Variants in ACVRL1 observed in about 807,000 individuals in gnomAD.
ACVRL1 encodes activin receptor type-1-like.
In ACVRL1, 20 loss-of-function variants were observed where a neutral mutation model predicts 51.9. The ratio of observed to expected loss-of-function variants is 0.39; its 90% CI spans 0.27 to 0.56. ACVRL1 has a LOEUF of 0.56. ACVRL1 is among the 20% of genes least tolerant of loss of function. The pLI, the probability that ACVRL1 is intolerant of heterozygous loss-of-function variation, is 0.67. For missense variants in ACVRL1, 451 were observed against 670.3 expected (o/e 0.67, Z 3.61); for synonymous variants, 288 against 280.9 (o/e 1.03, Z -0.25).
Position 51,907,723 on chromosome 12 carries a change from G to A in ACVRL1, c.-6+28G>A, listed in dbSNP as rs901661264. On this transcript the variant is annotated intron_variant, in intron 1 of 9. Coordinates refer to ENST00000388922, the MANE Select transcript of ACVRL1 (RefSeq NM_000020.3). The surrounding 1 kb of genome is among the most constrained non-coding windows in gnomAD (Gnocchi z 4.5). ...GAGTCGAGGTCCGCGGACGGGACCG[G>A]GTGGCGGGCGGCCTGACCCCCGCTT... 2.0e-5 allele frequency: 3 copies of A among 152,204 alleles called. No homozygotes were observed. The highest frequency in any genetic ancestry group is 7.2e-5 in the African/African-American group (3 of 41,454). 9.4% of individuals were successfully genotyped at this position (152,204 alleles called of 1,614,324 possible). A position where few individuals can be genotyped will look rare whatever the true frequency, so the allele number is the denominator to read the frequency against.
chr12:51,918,636 T>G (rs527548223), intron 8 of ACVRL1, among the ~76,000 whole-genome samples: 2 of 152,302 alleles, frequency 1.3e-5, no homozygotes, highest in Admixed American at 1.3e-4. Flanking sequence ...GCCTCTGCCA[T>G]TACTAGCTGT....
rs28936401 is a variant in ACVRL1, at chr12:51,916,107, C to G, written c.1120C>G (p.Arg374Gly). Residue 374 changes from arginine (R) to glycine (G), a missense_variant, in exon 8 of 10, where the codon CGG becomes GGG. Coordinates refer to ENST00000388922, the MANE Select transcript of ACVRL1 (RefSeq NM_000020.3). ...CAACAACCCGAGAGTGGGCACCAAG[C>G]GGTACATGGCACCCGAGGTGCTGGA... ...IGNNPRVGTK[R>G]YMAPEVLDEQ... The G allele has an allele frequency of 6.2e-7, 1 of 1,613,522 alleles. No individual in the cohort carries two copies. Among genetic ancestry groups the G allele is most frequent in the Non-Finnish European group, 8.5e-7 (1 of 1,179,530 alleles).
At chr12:51,919,690 A>T (rs912170504) in intron 9 of ACVRL1, among the ~76,000 whole-genome samples, 5 of 152,074 alleles carry the variant, frequency 3.3e-5, no homozygotes, top group African/African-American at 9.7e-5. Flanking sequence ...TCCACACCTG[A>T]CCACTGTGGT....
Position 51,921,028 on chromosome 12 carries a change from C to G in ACVRL1, c.*135C>G. The G allele has an allele frequency of 9.2e-7, 1 of 1,084,302 alleles. No homozygotes were observed. Among genetic ancestry groups the G allele is most frequent in the Middle Eastern group, 2.9e-4 (1 of 3,458 alleles). 67.2% of individuals were successfully genotyped at this position (1,084,302 alleles called of 1,614,324 possible). A position where few individuals can be genotyped will look rare whatever the true frequency, so the allele number is the denominator to read the frequency against. On this transcript the variant is annotated 3_prime_UTR_variant, in exon 10 of 10. Coordinates refer to ENST00000388922, the MANE Select transcript of ACVRL1 (RefSeq NM_000020.3). ...GGGCAGCTGCGCCTGCCTGCTCGGC[C>G]CCCAGCCCACCCAGCCAAAAATACA...
intron 1 of ACVRL1, among the ~76,000 whole-genome samples, chr12:51,908,073 A>G (rs1250321844): frequency 1.3e-5 from 2 of 152,180 alleles, no homozygotes; most frequent in Non-Finnish European, 2.9e-5. Context: ...GTGAATGCCT[A>G]CTTCCACAGC....
intron 8 of ACVRL1, 112 bp from the exon 9 acceptor site, chr12:51,918,873 C>T (rs1360096357): frequency 4.0e-6 from 6 of 1,498,162 alleles, no homozygotes; most frequent in Non-Finnish European, 5.6e-6. Flanking sequence ...GGTAGCGTGT[C>T]CAGGCCACTG....
At chr12:51,907,193 A>G (rs1940610596), upstream of ACVRL1, among the ~76,000 whole-genome samples, 1 of 151,122 alleles carries the variant, frequency 6.6e-6, no homozygotes, top group Non-Finnish European at 1.5e-5. This position sits in a 1 kb window ranked among gnomAD's most constrained non-coding sequence, Gnocchi z 4.5. Flanking sequence ...ACCCCACGGG[A>G]CCCCTATGGG....
Position 51,915,289 on chromosome 12 carries a change from C to T in ACVRL1, c.837C>T (p.Tyr279=). Residue 279 remains tyrosine, a synonymous_variant, in exon 7 of 10, where the codon TAC becomes TAT. Transcript: ENST00000388922. ...SSTQLWLITH[Y]HEHGSLYDFL... ...CGCAGCTGTGGCTCATCACGCACTA[C>T]CACGAGCACGGCTCCCTCTACGACT... 6.2e-7 allele frequency: 1 copy of T among 1,614,212 alleles called. No individual in the cohort carries two copies. Among genetic ancestry groups the T allele is most frequent in the South Asian group, 1.1e-5 (1 of 91,086 alleles).
chr12:51,919,278 C>A, intron 9 of ACVRL1, 163 bp downstream of exon 9: 1 of 1,079,564 alleles, frequency 9.3e-7, no homozygotes, highest in Non-Finnish European at 1.4e-6. Flanking sequence ...CTGGCCCATG[C>A]TCCCTGCCCC....
At chr12:51,912,283 T>C in intron 1 of ACVRL1, 187 bp from the exon 2 acceptor site, 3 of 679,924 alleles carry the variant, frequency 4.4e-6, no homozygotes, top group Non-Finnish European at 5.3e-6. Flanking sequence ...ATGGTTTCCA[T>C]GGGGAAGTGA....
At chr12:51,915,778 T>C in intron 7 of ACVRL1, 1 of 640,346 alleles carries the variant, frequency 1.6e-6, no homozygotes. Flanking sequence ...CCAGGTCTGC[T>C]CTGTGAAGTG....
At position 51,913,336 on chromosome 12, in the gene ACVRL1, C is replaced by G; in HGVS notation, c.299C>G (p.Ser100Cys). 1 of 1,612,380 alleles carries G rather than the reference C, an allele frequency of 6.2e-7. No individual in the cohort carries two copies. Among genetic ancestry groups the G allele is most frequent in the Non-Finnish European group, 8.5e-7 (1 of 1,179,618 alleles). Residue 100 changes from serine to cysteine, a missense_variant, in exon 3 of 10, where the codon TCC becomes TGC. Physicochemically the swap from Ser to Cys is moderately radical, Grantham distance 112. Transcript: ENST00000388922. ...AGCCACCTCTGCAACCACAACGTGT[C>G]CCTGGTGCTGGAGGGTACGTCCAGC... ...CDSHLCNHNVSLVLEATQPPS... is the reference protein window; with the variant it reads ...CDSHLCNHNVCLVLEATQPPS...
intron 1 of ACVRL1, among the ~76,000 whole-genome samples, chr12:51,910,755 G>A (rs1434179960): frequency 2.0e-5 from 3 of 152,142 alleles, no homozygotes; most frequent in South Asian, 2.1e-4. Flanking sequence ...CAGTCCTGCC[G>A]CACAGTGCTA....
chr12:51,915,781 G>C, intron 7 of ACVRL1: 4 of 638,238 alleles, frequency 6.3e-6, no homozygotes, highest in Non-Finnish European at 1.1e-5. Context: ...GGTCTGCTCT[G>C]TGAAGTGGGC....
chr12:51,909,623 G>A (rs1367898854), intron 1 of ACVRL1, among the ~76,000 whole-genome samples: 2 of 151,426 alleles, frequency 1.3e-5, no homozygotes, highest in Non-Finnish European at 2.9e-5. Context: ...CTTCCTTTGA[G>A]GGACTCATCT....
chr12:51,915,524 C>A, intron 7 of ACVRL1, 24 bp downstream of exon 7: 1 of 1,596,780 alleles, frequency 6.3e-7, no homozygotes, highest in South Asian at 1.1e-5. Flanking sequence ...GGCAGGGGCG[C>A]GCCCTTCACA....
chr12:51,921,239 G>A lies in ACVRL1; in HGVS notation c.*346G>A, dbSNP rs887853545. 3.0e-5 allele frequency: 11 copies of A among 367,156 alleles called. No individual in the cohort carries two copies. The highest frequency in any genetic ancestry group is 2.2e-4 in the Admixed American group (6 of 26,702). The allele number at this position is 367,156 out of a possible 1,614,324, so 22.7% of individuals were successfully genotyped here. On this transcript the variant is annotated 3_prime_UTR_variant, in exon 10 of 10. Coordinates refer to ENST00000388922, the MANE Select transcript of ACVRL1 (RefSeq NM_000020.3). Reference sequence around the variant, plus strand: ...AATCCCAGTCCCAGACTCAGAGCCCGGGCCTGCACTTTGCCCCCTGCCCTT... The same window carrying A: ...AATCCCAGTCCCAGACTCAGAGCCCAGGCCTGCACTTTGCCCCCTGCCCTT...
intron 4 of ACVRL1, 63 bp downstream of exon 4, chr12:51,913,833 A>G: frequency 6.3e-7 from 1 of 1,593,486 alleles, no homozygotes; most frequent in Admixed American, 1.7e-5. Flanking sequence ...GCAGAATCAG[A>G]GGGGTCACCC....
At chr12:51,916,363 C>A in intron 8 of ACVRL1, 130 bp downstream of exon 8, 1 of 948,056 alleles carries the variant, frequency 1.1e-6, no homozygotes, top group Non-Finnish European at 1.6e-6. Context: ...TCCATGCTGC[C>A]CACCAGCTGG....
Sources: allele counts gnomAD v4.1 joint callset (sites outside exome capture counted in the v4.1 genomes callset), GRCh38; gene constraint gnomAD v4.1.1; non-coding constraint Gnocchi (gnomAD v3.1); transcripts MANE v1.5; gene names NCBI Gene and HGNC (gene_info 2026-07-23, HGNC 2026-07-21).